USP48: variants seen among roughly 807,000 people sequenced by gnomAD.
USP48 encodes the protein ubiquitin carboxyl-terminal hydrolase 48.
Under a neutral mutation model 150.7 loss-of-function variants are expected in USP48, and 43 were observed. The ratio of observed to expected loss-of-function variants is 0.29; its 90% CI spans 0.22 to 0.37. The LOEUF (loss-of-function observed/expected upper bound fraction) is 0.37. Among genes scored for constraint, USP48 ranks in the 10% least tolerant of loss-of-function variants. USP48 has a pLI of 1.00. For synonymous variants in USP48, 396 were observed against 425.9 expected (o/e 0.93, Z 0.86); for missense variants, 813 against 1,249.6 (o/e 0.65, Z 5.27).
chr1:21,683,671 A>G (rs937538988), intron 25 of USP48, among the ~76,000 whole-genome samples: 1 of 152,226 alleles, frequency 6.6e-6, no homozygotes, highest in Middle Eastern at 3.4e-3. Flanking sequence ...GGAACATTGC[A>G]TTATCTTTTC....
chr1:21,756,501 A>G (rs1192062505), intron 3 of USP48, 45 bp downstream of exon 3: 1 of 1,549,044 alleles, frequency 6.5e-7, no homozygotes, highest in East Asian at 2.4e-5. Flanking sequence ...AAAAGTTTAA[A>G]AAAATGTTCA....
intron 23 of USP48, among the ~76,000 whole-genome samples, chr1:21,694,843 C>G (rs1440470652): frequency 2.0e-5 from 3 of 152,134 alleles, no homozygotes; most frequent in Admixed American, 6.6e-5. Context: ...TTAAGTGGTT[C>G]CCAGCGTTTC....
At chr1:21,688,855 A>AAG (rs2097587657) in intron 24 of USP48, among the ~76,000 whole-genome samples, 1 of 150,774 alleles carries the variant, frequency 6.6e-6, no homozygotes, top group Non-Finnish European at 1.5e-5. Flanking sequence ...AAAAAAAAAA[A>AAG]AAAAAAAGAA....
intron 3 of USP48, among the ~76,000 whole-genome samples, chr1:21,755,804 G>C (rs1372629388): frequency 6.6e-6 from 1 of 152,088 alleles, no homozygotes; most frequent in African/African-American, 2.4e-5. Flanking sequence ...ACCGAGACAG[G>C]AGGACTGCTT....
At chr1:21,736,019 G>T (rs998343508) in intron 9 of USP48, among the ~76,000 whole-genome samples, 6 of 152,186 alleles carry the variant, frequency 3.9e-5, no homozygotes, top group African/African-American at 1.4e-4. Context: ...AGGTTGCAGT[G>T]AGCCAAGATG....
chr1:21,751,805 G>A (rs2097814993), intron 5 of USP48, among the ~76,000 whole-genome samples, 190 bp from the exon 6 acceptor site: 1 of 152,026 alleles, frequency 6.6e-6, no homozygotes, highest in Non-Finnish European at 1.5e-5. Context: ...GGATCACAAG[G>A]TCAGGAATTC....
chr1:21,706,654 C>G, intron 16 of USP48, 65 bp from the exon 17 acceptor site: 1 of 1,612,626 alleles, frequency 6.2e-7, no homozygotes. Flanking sequence ...CCTCCCTACA[C>G]CCCCGTCAGA....
intron 9 of USP48, among the ~76,000 whole-genome samples, chr1:21,734,320 G>C (rs1214697369): frequency 6.6e-6 from 1 of 152,062 alleles, no homozygotes; most frequent in African/African-American, 2.4e-5. Context: ...GATTATTTGA[G>C]TCCAGGAGTT....
chr1:21,690,860 C>A (rs892295308), intron 23 of USP48, among the ~76,000 whole-genome samples: 1 of 152,062 alleles, frequency 6.6e-6, no homozygotes, highest in Non-Finnish European at 1.5e-5. Context: ...TCTTTAAATT[C>A]TCTCTTTTGT....
intron 22 of USP48, among the ~76,000 whole-genome samples, chr1:21,699,458 A>G (rs1250368540): frequency 6.6e-6 from 1 of 151,360 alleles, no homozygotes; most frequent in Non-Finnish European, 1.5e-5. Flanking sequence ...TCAGCCTCCC[A>G]AAGTGCTGGA....
chr1:21,769,394 T>C (rs1163611226), intron 1 of USP48, among the ~76,000 whole-genome samples: 1 of 133,884 alleles, frequency 7.5e-6, no homozygotes, highest in Non-Finnish European at 1.6e-5. Context: ...GGGTGGAGGG[T>C]GGGAGGAGGG....
chr1:21,697,242 G>A (rs1385128897), intron 22 of USP48, among the ~76,000 whole-genome samples: 1 of 151,810 alleles, frequency 6.6e-6, no homozygotes, highest in African/African-American at 2.4e-5. Flanking sequence ...TTTAGCTCTA[G>A]CCCTGAATCT....
intron 1 of USP48, among the ~76,000 whole-genome samples, chr1:21,779,541 G>A (rs1367214232): frequency 1.3e-5 from 2 of 151,040 alleles, no homozygotes; most frequent in African/African-American, 2.4e-5. Flanking sequence ...GAGAGACTCC[G>A]TCTCAAAAAA....
chr1:21,730,724 A>G (rs192627626), intron 9 of USP48, among the ~76,000 whole-genome samples: 1 of 151,948 alleles, frequency 6.6e-6, no homozygotes, highest in Non-Finnish European at 1.5e-5. Context: ...TGCAATCACT[A>G]AAGGGAATAT....
chr1:21,726,829 G>A (rs2097738699), intron 11 of USP48, among the ~76,000 whole-genome samples: 1 of 152,130 alleles, frequency 6.6e-6, no homozygotes, highest in Admixed American at 6.5e-5. Flanking sequence ...AACTCCAAAT[G>A]AGGGAGAACT....
intron 9 of USP48, among the ~76,000 whole-genome samples, chr1:21,734,115 C>G (rs933658170): frequency 6.6e-6 from 1 of 152,168 alleles, no homozygotes; most frequent in African/African-American, 2.4e-5. Context: ...AAGTAGAAAA[C>G]AGGTTGGGCA....
At position 21,742,577 on chromosome 1, in the gene USP48, G is replaced by C. The variant is rs915042423; in HGVS notation, c.991+4490C>G. On this transcript the variant is annotated intron_variant, in intron 8 of 26. Transcript: ENST00000308271. ...AAAGAAAAGAAAAGAAAAAGAAAAAGAAAAAGAAAAGAAAAGAAAAGAAAA... is the reference window on the plus strand; with the variant it reads ...AAAGAAAAGAAAAGAAAAAGAAAAACAAAAAGAAAAGAAAAGAAAAGAAAA... Among the ~76,000 whole-genome samples, 5 of 141,530 alleles carry C rather than the reference G, an allele frequency of 3.5e-5. No homozygotes were observed. In the South Asian group the frequency reaches 1.1e-3, roughly 30 times the overall value. 92.8% of individuals were successfully genotyped at this position (141,530 alleles called of 152,430 possible).
Position 21,752,593 on chromosome 1 carries a change from T to C in USP48, c.599A>G (p.Gln200Arg). 1 of 1,613,644 alleles carries C rather than the reference T, an allele frequency of 6.2e-7. No individual in the cohort carries two copies. The highest frequency in any genetic ancestry group is 8.5e-7 in the Non-Finnish European group (1 of 1,179,898). Residue 200 changes from glutamine (Q) to arginine (R), a missense_variant, in exon 5 of 27, where the codon CAA becomes CGA. Coordinates refer to ENST00000308271, the MANE Select transcript of USP48 (RefSeq NM_032236.8). ...MSLLEDTLSK[Q>R]KNPDVRNIVQ... Reference sequence around the variant, plus strand: ...AATATTGCGCACATCTGGATTCTTTTGTTTAGACAAAGTATCTTCCAATAG... The same window carrying C: ...AATATTGCGCACATCTGGATTCTTTCGTTTAGACAAAGTATCTTCCAATAG...
intron 15 of USP48, 57 bp downstream of exon 15, chr1:21,715,322 CAGGCAGTAGA>C: frequency 7.9e-7 from 1 of 1,272,758 alleles, no homozygotes; most frequent in Non-Finnish European, 1.1e-6. Flanking sequence ...GCATGAAAGC[CAGGCAGTAGA>C]AGCTAAAAGT....
Sources: allele counts gnomAD v4.1 joint callset (sites outside exome capture counted in the v4.1 genomes callset), GRCh38; gene constraint gnomAD v4.1.1; transcripts MANE v1.5; gene names NCBI Gene and HGNC (gene_info 2026-07-23, HGNC 2026-07-21).